ETS2: variants seen among roughly 807,000 people sequenced by gnomAD.
ETS2 encodes the protein protein C-ets-2.
A neutral mutation model predicts 54.9 loss-of-function variants in ETS2; 19 were observed. That is an observed-to-expected ratio of 0.35 (90% CI 0.24 to 0.51). ETS2 has a LOEUF of 0.51. ETS2 is among the 20% of genes least tolerant of loss of function. ETS2 has a pLI of 0.97. For synonymous variants in ETS2, 219 were observed against 229.3 expected, an observed-to-expected ratio of 0.95 and a Z score of 0.41; for missense variants, 417 against 593.0, an observed-to-expected ratio of 0.70 and a Z score of 3.08.
rs2060892115 is a variant in ETS2, at chr21:38,806,184, G to C, written c.-1+64G>C. 1.0e-6 allele frequency: 1 copy of C among 995,358 alleles called. No homozygotes were observed. Among genetic ancestry groups the C allele is most frequent in the Non-Finnish European group, 1.2e-6 (1 of 837,188 alleles). 61.7% of individuals were successfully genotyped at this position (995,358 alleles called of 1,614,324 possible). On this transcript the variant is annotated intron_variant, in intron 1 of 9. Transcript: ENST00000360938. The surrounding 1 kb of genome is among the most constrained non-coding windows in gnomAD (Gnocchi z 4.3). ...TCCAGTCCCATGGAGGGTCACCCGG[G>C]GCCTGGGCGGGGGTCGCGGGGGGCA...
rs995949573 is a variant in ETS2, at chr21:38,813,022, C to A, written c.92C>A (p.Thr31Asn). ...GTLKRQPAFD[T>N]FDGSLFAVFP... ...TTGCAGCGCCAGCCAGCCTTTGACA[C>A]CTTTGATGGGTCCCTGTTTGCTGTT... Residue 31 changes from threonine to asparagine, a missense_variant, in exon 3 of 10, where the codon ACC becomes AAC. Thr to Asn is a moderately conservative substitution (Grantham distance 65). Around this residue, in one of 3 missense-constraint regions of ETS2, gnomAD observed 326 missense variants for 426.1 expected, o/e 0.76. Transcript: ENST00000360938. 3 of 1,613,696 alleles carry A rather than the reference C, an allele frequency of 1.9e-6. No individual in the cohort carries two copies. In the African/African-American group the frequency reaches 4.0e-5, roughly 22 times the overall value.
At chr21:38,815,827 A>G (rs571257617) in intron 5 of ETS2, among the ~76,000 whole-genome samples, 6 of 150,362 alleles carry the variant, frequency 4.0e-5, no homozygotes, top group African/African-American at 1.5e-4. Flanking sequence ...GTAATCCCAG[A>G]TACTCGGAAG....
chr21:38,805,293 A>G, upstream of ETS2: 2 of 1,214,000 alleles, frequency 1.6e-6, no homozygotes, highest in Non-Finnish European at 2.1e-6. This position sits in a 1 kb window ranked among gnomAD's most constrained non-coding sequence, Gnocchi z 5.2. Context: ...CCTCATTTGG[A>G]GCCTTTTTGT....
At chr21:38,817,722 G>C (rs2060940927) in intron 6 of ETS2, among the ~76,000 whole-genome samples, 1 of 152,226 alleles carries the variant, frequency 6.6e-6, no homozygotes, top group Non-Finnish European at 1.5e-5. Flanking sequence ...GGAGGGCACA[G>C]GGTCTGGCCA....
chr21:38,812,617 C>T (rs2060917949), intron 2 of ETS2, among the ~76,000 whole-genome samples: 1 of 152,104 alleles, frequency 6.6e-6, no homozygotes, highest in Non-Finnish European at 1.5e-5. Context: ...CCTGTCTGTA[C>T]TAAAAATGCA....
intron 2 of ETS2, among the ~76,000 whole-genome samples, chr21:38,812,674 G>A (rs537320125): frequency 2.0e-4 from 31 of 152,256 alleles, no homozygotes; most frequent in Admixed American, 1.5e-3. Context: ...CCAGCTACTC[G>A]GGAGGCTGAG....
At chr21:38,822,551 G>A in intron 9 of ETS2, 123 bp from the exon 10 acceptor site, 1 of 812,854 alleles carries the variant, frequency 1.2e-6, no homozygotes, top group East Asian at 2.7e-5. Flanking sequence ...TGCGGACCTT[G>A]TGTAGGTGTC....
chr21:38,807,824 G>C (rs2060899272), intron 1 of ETS2, among the ~76,000 whole-genome samples: 1 of 152,154 alleles, frequency 6.6e-6, no homozygotes, highest in Non-Finnish European at 1.5e-5. Context: ...CAAGCCTAAG[G>C]AAGAAAAAGA....
chr21:38,811,060 A>G (rs1331944538), intron 2 of ETS2, among the ~76,000 whole-genome samples: 1 of 152,182 alleles, frequency 6.6e-6, no homozygotes, highest in African/African-American at 2.4e-5. Flanking sequence ...CCTTAGAAAA[A>G]TCCTTCTATT....
Position 38,806,463 on chromosome 21 carries a change from TG to T in ETS2, c.-1+345del. 2 of 985,376 alleles carry T rather than the reference TG, an allele frequency of 2.0e-6. No homozygotes were observed. The highest frequency in any genetic ancestry group is 2.4e-6 in the Non-Finnish European group (2 of 829,990). The allele number at this position is 985,376 out of a possible 1,614,324, so 61.0% of individuals were successfully genotyped here. A position where few individuals can be genotyped will look rare whatever the true frequency, so the allele number is the denominator to read the frequency against. On this transcript the variant is annotated intron_variant, in intron 1 of 9. Coordinates refer to ENST00000360938, the MANE Select transcript of ETS2 (RefSeq NM_005239.6). The surrounding 1 kb of genome is among the most constrained non-coding windows in gnomAD (Gnocchi z 4.3). ...TTGTTTTTAAAAGGAAACGCAGGCC[TG>T]GTAGGGGGTCCTGCCCAGTGGATGT... is the stretch of plus-strand genomic sequence containing the variant.
chr21:38,811,885 C>G (rs190342128), intron 2 of ETS2, among the ~76,000 whole-genome samples: 1 of 152,226 alleles, frequency 6.6e-6, no homozygotes, highest in Admixed American at 6.5e-5. Context: ...GGGTCCTTCT[C>G]TGTTGCCCAG....
chr21:38,813,321 C>T (rs546203819), intron 3 of ETS2, among the ~76,000 whole-genome samples: 11 of 152,174 alleles, frequency 7.2e-5, no homozygotes, highest in African/African-American at 1.9e-4. Context: ...GAGTGCCAGA[C>T]GCCCCCCAGT....
chr21:38,818,638 A>G lies in ETS2; in HGVS notation c.803A>G (p.Asn268Ser). 1 of 1,614,194 alleles carries G rather than the reference A, an allele frequency of 6.2e-7. No individual in the cohort carries two copies. The highest frequency in any genetic ancestry group is 1.1e-5 in the South Asian group (1 of 91,086). Residue 268 changes from asparagine to serine, a missense_variant, in exon 7 of 10, where the codon AAC (asparagine) becomes AGC (serine). Physicochemically the swap from Asn to Ser is conservative, Grantham distance 46. This residue lies in a region of ETS2 where 326 missense variants were observed against 426.1 expected (regional missense o/e 0.76). Transcript: ENST00000360938. ...GGCAGCAACTTGAATTTGCTCACCA[A>G]CAATTCTGGTAAGATTGGAAGCATC... is the stretch of plus-strand genomic sequence containing the variant. Reference protein sequence around the residue: ...FPGSNLNLLTNNSGTPKDHDS... With the variant: ...FPGSNLNLLTSNSGTPKDHDS...
intron 2 of ETS2, 92 bp from the exon 3 acceptor site, chr21:38,812,911 A>G (rs1455131715): frequency 1.2e-6 from 1 of 829,640 alleles, no homozygotes; most frequent in East Asian, 2.5e-5. Flanking sequence ...ATCAGGGACT[A>G]TTGGTAGGAT....
Position 38,821,961 on chromosome 21 carries a change from G to A in ETS2, c.1194+257G>A, listed in dbSNP as rs964534297. ...GTCTTGATCAGTTGTCTGATCAAGA[G>A]GCCCAAGCTGCAAACTGAGGTTCTC... On this transcript the variant is annotated intron_variant, in intron 9 of 9. Coordinates refer to ENST00000360938, the MANE Select transcript of ETS2 (RefSeq NM_005239.6). This position sits in a 1 kb window ranked among gnomAD's most constrained non-coding sequence, Gnocchi z 4.2. Among the ~76,000 whole-genome samples, 3 of 152,136 alleles carry A rather than the reference G, an allele frequency of 2.0e-5. No homozygotes were observed. In the South Asian group the frequency reaches 6.2e-4, roughly 32 times the overall value.
At chr21:38,805,676 C>T, upstream of ETS2, 2 of 1,185,932 alleles carry the variant, frequency 1.7e-6, no homozygotes, top group South Asian at 1.5e-5. The surrounding 1 kb of genome is among the most constrained non-coding windows in gnomAD (Gnocchi z 5.2). Flanking sequence ...CCCTCCTCTT[C>T]TCTCCCCTCG....
At chr21:38,812,781 AAAT>A (rs199778083) in intron 2 of ETS2, among the ~76,000 whole-genome samples, 39,874 of 151,632 alleles carry the variant, frequency 0.26, 6,183 homozygotes, top group Non-Finnish European at 0.36. Flanking sequence ...ACCTGTCTCA[AAAT>A]AATAATAATA....
At chr21:38,805,681 C>T, upstream of ETS2, 1 of 1,175,204 alleles carries the variant, frequency 8.5e-7, no homozygotes, top group Non-Finnish European at 1.1e-6. This position sits in a 1 kb window ranked among gnomAD's most constrained non-coding sequence, Gnocchi z 5.2. Flanking sequence ...CTCTTCTCTC[C>T]CCTCGTGCGT....
rs2060891936 is a variant in ETS2 at position 38,806,155 on chromosome 21, C to T, written c.-1+35C>T. The T allele has an allele frequency of 4.9e-6, 5 of 1,012,210 alleles. No homozygotes were observed. The South Asian group carries it at 1.5e-4, about 31-fold the overall frequency. The allele number at this position is 1,012,210 out of a possible 1,614,324, so 62.7% of individuals were successfully genotyped here. ...GGGCCCGCAGAGAGCGCCCGGCGCG[C>T]GGCTCCAGTCCCATGGAGGGTCACC... On this transcript the variant is annotated intron_variant, in intron 1 of 9. Transcript: ENST00000360938. This position sits in a 1 kb window ranked among gnomAD's most constrained non-coding sequence, Gnocchi z 4.3.
Sources: allele counts gnomAD v4.1 joint callset (sites outside exome capture counted in the v4.1 genomes callset), GRCh38; gene constraint gnomAD v4.1.1; regional missense constraint gnomAD v4.1.1; non-coding constraint Gnocchi (gnomAD v3.1); transcripts MANE v1.5; gene names NCBI Gene and HGNC (gene_info 2026-07-23, HGNC 2026-07-21).